The following PHACTR3 variants were observed in gnomAD, a reference collection of about 807,000 sequenced individuals.
PHACTR3 encodes phosphatase and actin regulator 3.
PHACTR3 carries 16 observed loss-of-function variants against 66.8 expected under a neutral mutation model. The ratio of observed to expected loss-of-function variants is 0.24; its 90% CI spans 0.16 to 0.36. The LOEUF (loss-of-function observed/expected upper bound fraction) is 0.36. Ranked by LOEUF, PHACTR3 falls within the 10% of genes least tolerant of loss-of-function variation. The pLI, the probability that PHACTR3 is intolerant of heterozygous loss-of-function variation, is 1.00. For missense variants in PHACTR3, 647 were observed against 719.9 expected (o/e 0.90, Z 1.16); for synonymous variants, 323 against 292.1 (o/e 1.11, Z -1.08).
intron 1 of PHACTR3, among the ~76,000 whole-genome samples, chr20:59,701,913 C>T (rs1221042610): frequency 6.6e-6 from 1 of 152,242 alleles, no homozygotes; most frequent in Non-Finnish European, 1.5e-5. Flanking sequence ...TTGGTTGTCA[C>T]TATGGTTTTG....
chr20:59,606,393 A>T (rs1251177890), intron 1 of PHACTR3, among the ~76,000 whole-genome samples: 2 of 152,030 alleles, frequency 1.3e-5, no homozygotes, highest in African/African-American at 4.8e-5. Context: ...TCACTTGGTC[A>T]AACTAAGGTA....
At chr20:59,747,230 C>T (rs1423042310) in intron 2 of PHACTR3, among the ~76,000 whole-genome samples, 2 of 152,196 alleles carry the variant, frequency 1.3e-5, no homozygotes, top group Non-Finnish European at 2.9e-5. Context: ...CCTTCCTGTC[C>T]ATCTGGTAGA....
chr20:59,689,365 A>G (rs1255558029), intron 1 of PHACTR3, among the ~76,000 whole-genome samples: 1 of 152,246 alleles, frequency 6.6e-6, no homozygotes, highest in African/African-American at 2.4e-5. Context: ...AGAAGCAGGA[A>G]GATGGTGTGT....
chr20:59,728,796 A>T (rs1347464131), intron 1 of PHACTR3, among the ~76,000 whole-genome samples: 3 of 144,018 alleles, frequency 2.1e-5, no homozygotes, highest in Admixed American at 2.0e-4. Context: ...AGGTCACTCC[A>T]GTGGGGAGGG....
chr20:59,744,547 C>T (rs2146774947), intron 2 of PHACTR3, among the ~76,000 whole-genome samples: 1 of 152,344 alleles, frequency 6.6e-6, no homozygotes, highest in East Asian at 1.9e-4. Flanking sequence ...GAGGCGCAGG[C>T]TCCAGGGCTT....
chr20:59,804,513 C>T (rs1003765349), intron 7 of PHACTR3, among the ~76,000 whole-genome samples: 1 of 152,142 alleles, frequency 6.6e-6, no homozygotes, highest in Non-Finnish European at 1.5e-5. Context: ...GAATCTGTCC[C>T]GAGACCTTTG....
At chr20:59,781,537 C>G (rs6092826) in intron 7 of PHACTR3, among the ~76,000 whole-genome samples, 4,530 of 152,272 alleles carry the variant, frequency 0.03, 187 homozygotes, top group African/African-American at 0.095. Context: ...TCATGGAGGG[C>G]CTGGCCTGTG....
At chr20:59,747,560 G>C (rs892494907) in intron 2 of PHACTR3, among the ~76,000 whole-genome samples, 198 bp from the exon 3 acceptor site, 4 of 152,238 alleles carry the variant, frequency 2.6e-5, no homozygotes, top group Non-Finnish European at 5.9e-5. Context: ...CTCTTTAGCT[G>C]TGGTTTATGC....
chr20:59,695,218 C>T (rs1024464672), intron 1 of PHACTR3, among the ~76,000 whole-genome samples: 6 of 152,126 alleles, frequency 3.9e-5, no homozygotes, highest in African/African-American at 1.4e-4. Flanking sequence ...TTTCTGTCCC[C>T]ATCCAAATCT....
intron 1 of PHACTR3, among the ~76,000 whole-genome samples, chr20:59,624,230 G>A (rs1459664888): frequency 6.6e-6 from 1 of 152,144 alleles, no homozygotes; most frequent in Non-Finnish European, 1.5e-5. Context: ...GCCAAGTACA[G>A]CATGCACCAA....
intron 3 of PHACTR3, among the ~76,000 whole-genome samples, chr20:59,753,534 G>A (rs1252661957): frequency 2.6e-5 from 4 of 152,110 alleles, no homozygotes; most frequent in African/African-American, 7.2e-5. Context: ...CAGACCAAGG[G>A]GCCAGATCAC....
At chr20:59,784,116 T>G (rs1167930138) in intron 7 of PHACTR3, among the ~76,000 whole-genome samples, 1 of 152,130 alleles carries the variant, frequency 6.6e-6, no homozygotes, top group African/African-American at 2.4e-5. Context: ...AGTGGCCCTC[T>G]CCAGTCAGTT....
chr20:59,745,219 G>C (rs996968663), intron 2 of PHACTR3, among the ~76,000 whole-genome samples: 5 of 152,230 alleles, frequency 3.3e-5, no homozygotes, highest in African/African-American at 1.2e-4. Context: ...GCGAGCTGGG[G>C]AAGGCACGTC....
At chr20:59,703,687 T>TGGGGTGTGTGTGTGTG (rs2037590372) in intron 1 of PHACTR3, among the ~76,000 whole-genome samples, 1 of 148,888 alleles carries the variant, frequency 6.7e-6, no homozygotes, top group Non-Finnish European at 1.5e-5. Context: ...TGTATTTCCT[T>TGGGGTGTGTGTGTGTG]GGGGTGTGTG....
Position 59,774,363 on chromosome 20 carries a change from G to T in PHACTR3, c.1047G>T (p.Leu349Phe). Residue 349 changes from leucine to phenylalanine, a missense_variant, in exon 7 of 13, where the codon TTG (leucine) becomes TTT (phenylalanine). By Grantham distance (22) the Leu-to-Phe change is conservative. Coordinates refer to ENST00000371015, the MANE Select transcript of PHACTR3 (RefSeq NM_080672.5). ...AGGCTTGGAGCTTTGACGGGGCATTGGAGAACAAGCGAACTGCCGCTAAGG... is the reference window on the plus strand; with the variant it reads ...AGGCTTGGAGCTTTGACGGGGCATTTGAGAACAAGCGAACTGCCGCTAAGG... The part of the protein sequence containing the change: ...REEAWSFDGA[L>F]ENKRTAAKES... The T allele has an allele frequency of 2.5e-6, 4 of 1,614,146 alleles. No homozygotes were observed. Among genetic ancestry groups the T allele is most frequent in the Non-Finnish European group, 3.4e-6 (4 of 1,180,038 alleles).
At chr20:59,773,586 A>G (rs2040429542) in intron 6 of PHACTR3, 133 bp downstream of exon 6, 3 of 1,003,412 alleles carry the variant, frequency 3.0e-6, no homozygotes, top group Non-Finnish European at 4.2e-6. Flanking sequence ...TGAACAAGGA[A>G]GTCACATTTT....
At chr20:59,806,260 A>T in intron 8 of PHACTR3, 66 bp downstream of exon 8, 1 of 1,564,980 alleles carries the variant, frequency 6.4e-7, no homozygotes, top group South Asian at 1.2e-5. Flanking sequence ...CCCCTCTGAG[A>T]TCCCACATCC....
At position 59,579,687 on chromosome 20, in the gene PHACTR3, G is replaced by A. The variant is rs983079516; in HGVS notation, c.109+2070G>A. Among the ~76,000 whole-genome samples, 72 of 152,206 alleles carry A rather than the reference G, an allele frequency of 4.7e-4. 6 individuals are homozygous for A. The highest frequency in any genetic ancestry group is 3.9e-4 in the East Asian group (2 of 5,178). ...AGCTCCTCATGGCTGCTGTGTGGCC[G>A]CAGGTTTATTTGGAGGCTATGGCAG... On this transcript the variant is annotated intron_variant, in intron 1 of 12. Coordinates refer to the PHACTR3 transcript ENST00000359926.
intron 4 of PHACTR3, among the ~76,000 whole-genome samples, chr20:59,761,999 A>C (rs1174384517): frequency 2.0e-5 from 3 of 152,254 alleles, no homozygotes; most frequent in Non-Finnish European, 4.4e-5. Flanking sequence ...TTCAGTTTTG[A>C]CAAGATTCCA....
Sources: gnomAD v4.1 joint callset for allele counts (sites outside exome capture counted in the v4.1 genomes callset) on GRCh38, gnomAD v4.1.1 for gene constraint, MANE v1.5 for transcripts, NCBI Gene and HGNC (gene_info 2026-07-23, HGNC 2026-07-21) for gene names.